Variants in FLYWCH2 observed in about 807,000 individuals in gnomAD.
FLYWCH2 encodes the protein FLYWCH family member 2.
Under a neutral mutation model 6.0 loss-of-function variants are expected in FLYWCH2, and 2 were observed. The observed-to-expected ratio is 0.33, with a 90% CI of 0.14 to 1.04. The LOEUF is 1.04. Among genes scored for constraint, FLYWCH2 ranks in the 50% least tolerant of loss-of-function variants. FLYWCH2 has a pLI of 0.45. For missense variants in FLYWCH2, 192 were observed against 183.4 expected, an observed-to-expected ratio of 1.05 and a Z score of -0.27; for synonymous variants, 87 against 79.3, an observed-to-expected ratio of 1.10 and a Z score of -0.52.
At chr16:2,883,475 C>A (rs2069663373) in intron 1 of FLYWCH2, 109 bp downstream of exon 1, 1 of 152,610 alleles carries the variant, frequency 6.6e-6, no homozygotes, top group African/African-American at 2.4e-5. Context: ...GAGGAGGGGT[C>A]CGCGTCCTGG....
In FLYWCH2 at chr16:2,899,171, C is replaced by A; in HGVS notation, c.*22C>A. On this transcript the variant is annotated 3_prime_UTR_variant, in exon 4 of 4. Coordinates refer to ENST00000396958, the MANE Select transcript of FLYWCH2 (RefSeq NM_138439.3). ...GTAACCTTGACAACAGGCGCATCCT[C>A]CCAGGCCACCAACCCAGCCATAGGC... 1 of 1,587,712 alleles carries A rather than the reference C, an allele frequency of 6.3e-7. No individual in the cohort carries two copies. The highest frequency in any genetic ancestry group is 8.6e-7 in the Non-Finnish European group (1 of 1,161,186).
At chr16:2,894,869 G>C (rs1223738155) in intron 1 of FLYWCH2, among the ~76,000 whole-genome samples, 1 of 152,166 alleles carries the variant, frequency 6.6e-6, no homozygotes, top group East Asian at 1.9e-4. Flanking sequence ...AGGGTGCTGG[G>C]CATGGACCCC....
chr16:2,884,949 C>T (rs548816761), intron 1 of FLYWCH2, among the ~76,000 whole-genome samples: 1 of 152,076 alleles, frequency 6.6e-6, no homozygotes, highest in South Asian at 2.1e-4. Context: ...TTCATATGTT[C>T]ATAGACTCAA....
intron 1 of FLYWCH2, among the ~76,000 whole-genome samples, chr16:2,891,081 T>G (rs1194883779): frequency 6.6e-6 from 1 of 152,228 alleles, no homozygotes; most frequent in African/African-American, 2.4e-5. Context: ...TCCCGACCAC[T>G]GGCTTCCAAG....
chr16:2,894,878 C>G (rs76769494), intron 1 of FLYWCH2, among the ~76,000 whole-genome samples: 1 of 152,138 alleles, frequency 6.6e-6, no homozygotes, highest in Non-Finnish European at 1.5e-5. Flanking sequence ...GGCATGGACC[C>G]CTCAGGACAG....
At chr16:2,889,211 T>C (rs2069729879) in intron 1 of FLYWCH2, among the ~76,000 whole-genome samples, 1 of 134,870 alleles carries the variant, frequency 7.4e-6, no homozygotes, top group East Asian at 2.0e-4. Context: ...AACCTTTACT[T>C]TTTTTTTTTT....
chr16:2,894,861 G>C (rs1475017963), intron 1 of FLYWCH2, among the ~76,000 whole-genome samples: 1 of 152,150 alleles, frequency 6.6e-6, no homozygotes, highest in African/African-American at 2.4e-5. Flanking sequence ...AAAGCGCCAG[G>C]GTGCTGGGCA....
Position 2,896,423 on chromosome 16 carries a change from C to G in FLYWCH2, c.-27C>G. ...TCCACCTGCTGGGGGCTGAGTGTGG[C>G]CTGAGGGACAGGCCCTGGGTCCCGG... On this transcript the variant is annotated 5_prime_UTR_variant, in exon 3 of 4. Transcript: ENST00000396958. 1 of 1,589,358 alleles carries G rather than the reference C, an allele frequency of 6.3e-7. No homozygotes were observed. The highest frequency in any genetic ancestry group is 2.2e-5 in the East Asian group (1 of 44,704).
intron 1 of FLYWCH2, among the ~76,000 whole-genome samples, chr16:2,889,869 G>C (rs1013044411): frequency 1.1e-4 from 16 of 152,060 alleles, no homozygotes; most frequent in South Asian, 2.1e-4. Context: ...CAAATCTCTT[G>C]AGGTCTGGAG....
chr16:2,893,019 T>TACACACACAC (rs144253671), intron 1 of FLYWCH2, among the ~76,000 whole-genome samples: 12 of 146,040 alleles, frequency 8.2e-5, no homozygotes, highest in African/African-American at 3.0e-4. Flanking sequence ...TTTATATATA[T>TACACACACAC]ACACACACAC....
Position 2,896,562 on chromosome 16 carries a change from A to G in FLYWCH2, c.113A>G (p.Lys38Arg). ...VIPAAPRKPR[K>R]FSKLVLLTAS... ...CCGGCAGCCCCCAGGAAGCCCAGAA[A>G]GTTCTCCAAACTGGTCCTGCTCACA... Residue 38 changes from lysine (K) to arginine (R), a missense_variant, in exon 3 of 4, where the codon AAG (lysine) becomes AGG (arginine). By Grantham distance (26) the Lys-to-Arg change is conservative. Transcript: ENST00000396958. The G allele has an allele frequency of 6.2e-7, 1 of 1,614,168 alleles. No homozygotes were observed.
Position 2,899,148 on chromosome 16 carries a change from A to G in FLYWCH2, c.422A>G (p.Ter141=), listed in dbSNP as rs143698118. 7,691 of 1,611,724 alleles carry G rather than the reference A, an allele frequency of 4.8e-3. 24 individuals carry two copies. The highest frequency in any genetic ancestry group is 6.0e-3 in the Non-Finnish European group (7,067 of 1,178,852). The stretch of plus-strand genomic sequence containing the variant: ...TCTGTGGCGCCCGGCAAGTCCCTGT[A>G]ACCTTGACAACAGGCGCATCCTCCC... The part of the protein sequence containing the change: ...PCSVAPGKSL[*] The change falls in exon 4 of 4, where the codon TAA becomes TGA. Residue 141 remains the stop codon, a stop_retained_variant. Transcript: ENST00000396958.
intron 1 of FLYWCH2, among the ~76,000 whole-genome samples, chr16:2,886,849 C>T (rs1204521812): frequency 6.6e-6 from 1 of 151,964 alleles, no homozygotes; most frequent in African/African-American, 2.4e-5. Flanking sequence ...TGTTTGTTTG[C>T]TTGTTTATTA....
At chr16:2,892,508 C>G (rs941351502) in intron 1 of FLYWCH2, among the ~76,000 whole-genome samples, 1 of 144,794 alleles carries the variant, frequency 6.9e-6, no homozygotes, top group Non-Finnish European at 1.5e-5. Flanking sequence ...AAAAAAAACA[C>G]AATTTATCTA....
chr16:2,897,081 A>G (rs909851725), intron 3 of FLYWCH2, among the ~76,000 whole-genome samples: 2 of 152,160 alleles, frequency 1.3e-5, no homozygotes, highest in African/African-American at 4.8e-5. Flanking sequence ...GTCAGCTTCA[A>G]GGTCTTGGCT....
At chr16:2,891,075 G>A (rs1160948121) in intron 1 of FLYWCH2, among the ~76,000 whole-genome samples, 1 of 152,098 alleles carries the variant, frequency 6.6e-6, no homozygotes, top group South Asian at 2.1e-4. Flanking sequence ...TTATAATCCC[G>A]ACCACTGGCT....
intron 1 of FLYWCH2, among the ~76,000 whole-genome samples, chr16:2,894,492 C>A (rs915149061): frequency 6.6e-6 from 1 of 152,180 alleles, no homozygotes; most frequent in Non-Finnish European, 1.5e-5. Context: ...TTGGGGCCTC[C>A]CGTAACTCTT....
At chr16:2,894,275 A>T (rs1264212631) in intron 1 of FLYWCH2, among the ~76,000 whole-genome samples, 1 of 151,824 alleles carries the variant, frequency 6.6e-6, no homozygotes, top group Non-Finnish European at 1.5e-5. Context: ...TCTTTTTTGG[A>T]GTCTGGGAGC....
intron 3 of FLYWCH2, among the ~76,000 whole-genome samples, chr16:2,898,460 C>T (rs1477014332): frequency 6.6e-6 from 1 of 152,156 alleles, no homozygotes; most frequent in Non-Finnish European, 1.5e-5. Context: ...GGAGCGAAGT[C>T]GCCACTCTGA....
Sources: gnomAD v4.1 joint callset for allele counts (sites outside exome capture counted in the v4.1 genomes callset) on GRCh38, gnomAD v4.1.1 for gene constraint, MANE v1.5 for transcripts, NCBI Gene and HGNC (gene_info 2026-07-23, HGNC 2026-07-21) for gene names.